The following AGAP1 variants were observed in gnomAD, a reference collection of about 807,000 sequenced individuals.
AGAP1 encodes the protein arf-GAP with GTPase, ANK repeat and PH domain-containing protein 1.
AGAP1 carries 29 observed loss-of-function variants against 105.3 expected under a neutral mutation model. The observed-to-expected ratio is 0.28, with a 90% confidence interval of 0.21 to 0.38. The LOEUF is 0.38. Ranked by LOEUF, AGAP1 falls within the 10% of genes least tolerant of loss-of-function variation. AGAP1 has a pLI of 1.00. For missense variants in AGAP1, 998 were observed against 1,165.1 expected (o/e 0.86, Z 2.09); for synonymous variants, 509 against 485.9 (o/e 1.05, Z -0.63).
Position 235,960,099 on chromosome 2 carries a change from G to A in AGAP1, c.1484-8363G>A, listed in dbSNP as rs2054118830. On this transcript the variant is annotated intron_variant, in intron 12 of 17. Coordinates refer to ENST00000304032, the MANE Select transcript of AGAP1 (RefSeq NM_001037131.3). The surrounding 1 kb of genome is among the most constrained non-coding windows in gnomAD (Gnocchi z 4.9). ...TGGAAAGTCACTGCCTCAACTCCAT[G>A]CCTCCAAATGGGGGCGGGGAGGGTG... 6.6e-6 allele frequency among the ~76,000 whole-genome samples: 1 copy of A among 152,174 alleles called. No individual in the cohort carries two copies. The highest frequency in any genetic ancestry group is 6.5e-5 in the Admixed American group (1 of 15,284).
chr2:235,770,849 T>C (rs1027598544), intron 6 of AGAP1, among the ~76,000 whole-genome samples: 1 of 152,142 alleles, frequency 6.6e-6, no homozygotes, highest in African/African-American at 2.4e-5. Flanking sequence ...TCCCAAAAGA[T>C]ACTCAAGTTC....
At chr2:235,980,994 T>C (rs936233486) in intron 13 of AGAP1, among the ~76,000 whole-genome samples, 1 of 152,256 alleles carries the variant, frequency 6.6e-6, no homozygotes, top group African/African-American at 2.4e-5. Flanking sequence ...CCTCCTGTTA[T>C]GCTCTTAATT....
chr2:236,118,720 G>C (rs2059831199), intron 16 of AGAP1, among the ~76,000 whole-genome samples: 1 of 152,110 alleles, frequency 6.6e-6, no homozygotes, highest in Admixed American at 6.5e-5. Context: ...CAAAAAGGCA[G>C]GCAGGGAGCA....
intron 1 of AGAP1, among the ~76,000 whole-genome samples, chr2:235,607,332 A>G (rs1033677992): frequency 2.0e-5 from 3 of 152,252 alleles, no homozygotes; most frequent in Non-Finnish European, 2.9e-5. Flanking sequence ...GCTAAAAACA[A>G]TGTACTTGGA....
chr2:235,676,990 T>A (rs1436503742), intron 1 of AGAP1, among the ~76,000 whole-genome samples: 1 of 152,158 alleles, frequency 6.6e-6, no homozygotes, highest in African/African-American at 2.4e-5. Flanking sequence ...CTGCCCTTGA[T>A]TGTTTTGGTT....
chr2:235,996,827 G>A (rs1199165234), intron 13 of AGAP1, among the ~76,000 whole-genome samples: 2 of 152,158 alleles, frequency 1.3e-5, no homozygotes, highest in Admixed American at 6.5e-5. Flanking sequence ...ATCAAAAGAC[G>A]CCTGCATACT....
Position 235,561,943 on chromosome 2 carries a change from C to G in AGAP1, c.163+67094C>G, listed in dbSNP as rs374537612. Among the ~76,000 whole-genome samples the G allele has an allele frequency of 1.6e-4, 24 of 152,290 alleles. No individual in the cohort carries two copies. In the East Asian group the frequency reaches 4.6e-3, roughly 29 times the overall value. ...CTTTTCATTTAACTTAGATTTATGG[C>G]TTTTCCATGGACTATCTTGAGGTTT... On this transcript the variant is annotated intron_variant, in intron 1 of 17. Transcript: ENST00000304032.
intron 9 of AGAP1, among the ~76,000 whole-genome samples, chr2:235,850,939 G>T (rs1243780972): frequency 6.6e-6 from 1 of 152,216 alleles, no homozygotes; most frequent in East Asian, 1.9e-4. Context: ...AAGGGGTTTA[G>T]CAAGGGAATG....
At chr2:235,890,028 C>T (rs547743641) in intron 10 of AGAP1, among the ~76,000 whole-genome samples, 1 of 152,266 alleles carries the variant, frequency 6.6e-6, no homozygotes, top group Admixed American at 6.5e-5. Flanking sequence ...TCAGCTCTTC[C>T]CCAAAGGCTT....
At chr2:235,532,354 C>G (rs1379368454) in intron 1 of AGAP1, among the ~76,000 whole-genome samples, 1 of 152,218 alleles carries the variant, frequency 6.6e-6, no homozygotes, top group African/African-American at 2.4e-5. Flanking sequence ...ATACCTGGGA[C>G]TGCAGGCCCA....
intron 1 of AGAP1, among the ~76,000 whole-genome samples, chr2:235,505,585 T>G (rs1941765457): frequency 6.6e-6 from 1 of 152,016 alleles, no homozygotes; most frequent in Non-Finnish European, 1.5e-5. Context: ...CAGGCAGATG[T>G]GTGGGACACT....
chr2:236,068,084 C>T (rs1339172540), intron 16 of AGAP1, among the ~76,000 whole-genome samples: 1 of 152,154 alleles, frequency 6.6e-6, no homozygotes, highest in Non-Finnish European at 1.5e-5. Context: ...CCAGCCCGGC[C>T]AACATGGTGA....
intron 12 of AGAP1, among the ~76,000 whole-genome samples, chr2:235,932,853 A>G (rs922967238): frequency 6.6e-6 from 1 of 152,208 alleles, no homozygotes; most frequent in South Asian, 2.1e-4. Flanking sequence ...GTCTCTTTCC[A>G]TGGAAGTGGG....
At chr2:235,597,127 T>A (rs1945551601) in intron 1 of AGAP1, among the ~76,000 whole-genome samples, 2 of 152,336 alleles carry the variant, frequency 1.3e-5, no homozygotes, top group South Asian at 4.1e-4. Flanking sequence ...GGTTCCAGAC[T>A]CCAGCTCCTG....
At position 235,692,700 on chromosome 2, in the gene AGAP1, G is replaced by T. The variant is rs554344835; in HGVS notation, c.164-16479G>T. 6.6e-6 allele frequency among the ~76,000 whole-genome samples: 1 copy of T among 152,016 alleles called. No homozygotes were observed. The highest frequency in any genetic ancestry group is 1.5e-5 in the Non-Finnish European group (1 of 68,016). Reference sequence around the variant, plus strand: ...GAAGCCGATGACTGACGTGCACCCCGCCAGCCTCCCTGCTTATCCTTCCCT... The same window carrying T: ...GAAGCCGATGACTGACGTGCACCCCTCCAGCCTCCCTGCTTATCCTTCCCT... On this transcript the variant is annotated intron_variant, in intron 1 of 17. Coordinates refer to ENST00000304032, the MANE Select transcript of AGAP1 (RefSeq NM_001037131.3). The surrounding 1 kb of genome is among the most constrained non-coding windows in gnomAD (Gnocchi z 5.8).
Position 236,101,041 on chromosome 2 carries a change from G to A in AGAP1, c.2115-19151G>A, listed in dbSNP as rs2059334212. Among the ~76,000 whole-genome samples, 1 of 152,144 alleles carries A rather than the reference G, an allele frequency of 6.6e-6. No individual in the cohort carries two copies. Among genetic ancestry groups the A allele is most frequent in the South Asian group, 2.1e-4 (1 of 4,818 alleles). On this transcript the variant is annotated intron_variant, in intron 16 of 17. Coordinates refer to ENST00000304032, the MANE Select transcript of AGAP1 (RefSeq NM_001037131.3). This position sits in a 1 kb window ranked among gnomAD's most constrained non-coding sequence, Gnocchi z 4.9. ...AGCTAGGCTGACACAGGGGTCCGCA[G>A]ACCCAGGCCCCTCATTCCATCAGTT...
intron 1 of AGAP1, among the ~76,000 whole-genome samples, chr2:235,640,035 C>T (rs1046437006): frequency 6.6e-6 from 1 of 152,214 alleles, no homozygotes; most frequent in Middle Eastern, 3.2e-3. Context: ...TTTAGGGCAA[C>T]CTAATTGCAT....
rs1413265631 is a variant in AGAP1 at position 235,494,573 on chromosome 2, C to T, written c.-114C>T. ...TTCTCGCGCCTCCTCCGCCCGCCGC[C>T]GGCGGGCCCGGCTCCCCGGGGGCTG... On this transcript the variant is annotated 5_prime_UTR_variant, in exon 1 of 18. Transcript: ENST00000304032. The T allele has an allele frequency of 3.8e-5, 8 of 209,002 alleles. No homozygotes were observed. Among genetic ancestry groups the T allele is most frequent in the East Asian group, 2.3e-4 (1 of 4,392 alleles). The allele number at this position is 209,002 out of a possible 1,614,324, so 12.9% of individuals were successfully genotyped here. A position where few individuals can be genotyped will look rare whatever the true frequency, so the allele number is the denominator to read the frequency against.
rs1290338263 is a variant in AGAP1 at position 235,908,714 on chromosome 2, T to A, written c.1156-24T>A. On this transcript the variant is annotated intron_variant, in intron 10 of 17. Transcript: ENST00000304032. This position sits in a 1 kb window ranked among gnomAD's most constrained non-coding sequence, Gnocchi z 4.4. Reference sequence around the variant, plus strand: ...GGTCTTTTTTTTTTTTTTATCTCTCTTGGATGTTTAACATTTTCAACAGGA... The same window carrying A: ...GGTCTTTTTTTTTTTTTTATCTCTCATGGATGTTTAACATTTTCAACAGGA... 1.3e-6 allele frequency: 2 copies of A among 1,579,692 alleles called. No individual in the cohort carries two copies. The highest frequency in any genetic ancestry group is 1.7e-6 in the Non-Finnish European group (2 of 1,163,004).
Sources: gnomAD v4.1 joint callset for allele counts (sites outside exome capture counted in the v4.1 genomes callset) on GRCh38, gnomAD v4.1.1 for gene constraint, Gnocchi (gnomAD v3.1) non-coding constraint, MANE v1.5 for transcripts, NCBI Gene and HGNC (gene_info 2026-07-23, HGNC 2026-07-21) for gene names.